SLC39A3: variants seen among roughly 807,000 people sequenced by gnomAD.
The protein encoded by SLC39A3 is solute carrier family 39 member 3, also known as zinc transporter ZIP3.
Under a neutral mutation model 5.1 loss-of-function variants are expected in SLC39A3, and 3 were observed. The observed-to-expected ratio is 0.59, with a 90% CI of 0.27 to 1.54. SLC39A3 has a LOEUF of 1.54. Among genes scored for constraint, SLC39A3 ranks in the 40% most tolerant of loss-of-function variants. The pLI, the probability that SLC39A3 is intolerant of heterozygous loss-of-function variation, is 0.12. For synonymous variants in SLC39A3, 250 were observed against 218.8 expected (o/e 1.14, Z -1.26); for missense variants, 412 against 436.4 (o/e 0.94, Z 0.50).
chr19:2,738,494 C>T (rs1176849384), intron 1 of SLC39A3, among the ~76,000 whole-genome samples: 1 of 152,152 alleles, frequency 6.6e-6, no homozygotes, highest in Non-Finnish European at 1.5e-5. Context: ...CAAGCTTGCT[C>T]GTGCCTCAGG....
In SLC39A3 at chr19:2,734,394, G is replaced by GCACACA. The variant is rs113441602; in HGVS notation, c.211-915_211-910dup. The GCACACA allele has an allele frequency of 4.6e-5, 7 of 150,658 alleles. No individual in the cohort carries two copies. The highest frequency in any genetic ancestry group is 6.6e-5 in the Admixed American group (1 of 15,124). 9.3% of individuals were successfully genotyped at this position (150,658 alleles called of 1,614,324 possible). ...AGACTTCATTACAACCTGCGCACGT[G>GCACACA]CACACACACACACACACACGCATAT... On this transcript the variant is annotated intron_variant, in intron 2 of 2. Transcript: ENST00000269740. This position sits in a 1 kb window ranked among gnomAD's most constrained non-coding sequence, Gnocchi z 4.6.
At chr19:2,736,107 G>T in intron 2 of SLC39A3, 2 of 985,502 alleles carry the variant, frequency 2.0e-6, no homozygotes, top group Non-Finnish European at 2.4e-6. Context: ...GCCTGACAGG[G>T]GACCCACACT....
rs1434005829 is a variant in SLC39A3 at position 2,734,639 on chromosome 19, C to G, written c.211-1154G>C. On this transcript the variant is annotated intron_variant, in intron 2 of 2. Transcript: ENST00000269740. The surrounding 1 kb of genome is among the most constrained non-coding windows in gnomAD (Gnocchi z 4.6). ...CTGGGCACTGCAGGGTGCTGCTGAG[C>G]AGTGTCTCTGGCCTCCACCCACTCC... 1.2e-5 allele frequency: 8 copies of G among 680,552 alleles called. No homozygotes were observed. The highest frequency in any genetic ancestry group is 1.5e-5 in the Non-Finnish European group (8 of 551,484). The allele number at this position is 680,552 out of a possible 1,614,324, so 42.2% of individuals were successfully genotyped here.
At position 2,733,062 on chromosome 19, in the gene SLC39A3, C is replaced by T; in HGVS notation, c.634G>A (p.Ala212Thr). 6.2e-7 allele frequency: 1 copy of T among 1,610,302 alleles called. No homozygotes were observed. The highest frequency in any genetic ancestry group is 8.5e-7 in the Non-Finnish European group (1 of 1,178,710). ...GCCATGCTGATGCCCAGGGCCACGG[C>T]CACCAGTGTCTCGTGGACGGCCACC... Reference protein sequence around the residue: ...VGVAVHETLVAVALGISMARS... With the variant: ...VGVAVHETLVTVALGISMARS... Residue 212 changes from alanine (A) to threonine (T), a missense_variant, in exon 3 of 3, where the codon GCC becomes ACC. Physicochemically the swap from Ala to Thr is moderately conservative, Grantham distance 58. Coordinates refer to ENST00000269740, the MANE Select transcript of SLC39A3 (RefSeq NM_144564.5). The surrounding 1 kb of genome is among the most constrained non-coding windows in gnomAD (Gnocchi z 6.1).
chr19:2,733,337 G>C lies in SLC39A3; in HGVS notation c.359C>G (p.Thr120Ser). The C allele has an allele frequency of 1.9e-6, 3 of 1,613,198 alleles. No homozygotes were observed. Among genetic ancestry groups the C allele is most frequent in the Non-Finnish European group, 2.5e-6 (3 of 1,180,026 alleles). The change falls in exon 3 of 3, where the codon ACC (threonine) becomes AGC (serine). Residue 120 changes from threonine to serine, a missense_variant. Physicochemically the swap from Thr to Ser is moderately conservative, Grantham distance 58. Coordinates refer to ENST00000269740, the MANE Select transcript of SLC39A3 (RefSeq NM_144564.5). The surrounding 1 kb of genome is among the most constrained non-coding windows in gnomAD (Gnocchi z 6.1). ...GCCCACGTCCGATCCGGCGTTGAAG[G>C]TCTCCAGGTCGATGAAGGACGGCTT... ...KEKPSFIDLE[T>S]FNAGSDVGSD...
chr19:2,734,958 CCTG>C lies in SLC39A3; in HGVS notation c.211-1476_211-1474del. ...ACCATTTTCCAGGGGTGACTGAGAG[CCTG>C]GCCCTGCAGTGGGTGAGGCTGGGGG... is the stretch of plus-strand genomic sequence containing the variant. On this transcript the variant is annotated intron_variant, in intron 2 of 2. Transcript: ENST00000269740. The surrounding 1 kb of genome is among the most constrained non-coding windows in gnomAD (Gnocchi z 4.6). 1.0e-6 allele frequency: 1 copy of C among 985,486 alleles called. No homozygotes were observed. Among genetic ancestry groups the C allele is most frequent in the Non-Finnish European group, 1.2e-6 (1 of 829,986 alleles). 61.0% of individuals were successfully genotyped at this position (985,486 alleles called of 1,614,324 possible).
Position 2,737,298 on chromosome 19 carries a change from C to G in SLC39A3, c.-41G>C. The stretch of plus-strand genomic sequence containing the variant: ...TGCTCTGGTCACTGCAGGGCCAAAC[C>G]ATCTGTGGGCGCACACCCAAGTCCC... On this transcript the variant is annotated 5_prime_UTR_variant, in exon 2 of 3. It removes an upstream start codon present in the reference 5' UTR. Coordinates refer to ENST00000269740, the MANE Select transcript of SLC39A3 (RefSeq NM_144564.5). 2.6e-6 allele frequency: 4 copies of G among 1,553,478 alleles called. No individual in the cohort carries two copies. The highest frequency in any genetic ancestry group is 3.5e-6 in the Non-Finnish European group (4 of 1,146,462).
At position 2,733,006 on chromosome 19, in the gene SLC39A3, G is replaced by A. The variant is rs377564224; in HGVS notation, c.690C>T (p.Ala230=). The change falls in exon 3 of 3, where the codon GCC becomes GCT. Residue 230 remains alanine (A), a synonymous_variant. Coordinates refer to ENST00000269740, the MANE Select transcript of SLC39A3 (RefSeq NM_144564.5). The surrounding 1 kb of genome is among the most constrained non-coding windows in gnomAD (Gnocchi z 6.1). ...ARSAMPLRDA[A]KLAVTVSAMI... ...TGGCGCTTACGGTGACCGCCAGCTT[G>A]GCCGCGTCCCGCAGGGGCATGGCAC... 22 of 1,598,508 alleles carry A rather than the reference G, an allele frequency of 1.4e-5. 1 individual carries two copies. The highest frequency in any genetic ancestry group is 1.9e-5 in the Non-Finnish European group (22 of 1,171,426).
intron 1 of SLC39A3, among the ~76,000 whole-genome samples, chr19:2,739,252 C>T (rs1369481922): frequency 6.6e-6 from 1 of 152,114 alleles, no homozygotes; most frequent in African/African-American, 2.4e-5. Context: ...AAGCGTGTGG[C>T]CACTGATAAG....
chr19:2,738,971 G>A (rs1258533840), intron 1 of SLC39A3, among the ~76,000 whole-genome samples: 2 of 150,920 alleles, frequency 1.3e-5, no homozygotes, highest in African/African-American at 2.4e-5. Flanking sequence ...ATGGTGGTAC[G>A]TGCCTGTAAT....
chr19:2,737,422 CTT>C (rs567070163), intron 1 of SLC39A3, 43 bp from the exon 2 acceptor site: 3,510 of 1,041,442 alleles, frequency 3.4e-3, no homozygotes, highest in Non-Finnish European at 3.6e-3. Flanking sequence ...TTTCTTTTTT[CTT>C]TTTTTTTTTT....
chr19:2,739,282 C>T (rs1914476554), intron 1 of SLC39A3: 1 of 152,056 alleles, frequency 6.6e-6, no homozygotes, highest in Non-Finnish European at 1.5e-5. Context: ...TTACCTGATG[C>T]AATGGGCCAA....
Position 2,733,406 on chromosome 19 carries a change from A to G in SLC39A3, c.290T>C (p.Met97Thr). 6.2e-7 allele frequency: 1 copy of G among 1,613,120 alleles called. No individual in the cohort carries two copies. Among genetic ancestry groups the G allele is most frequent in the Non-Finnish European group, 8.5e-7 (1 of 1,180,024 alleles). ...GATCAGCTGCTCCAGGAAGACGGTCATGAAGAAGCCCAGCAGGAGGATGGT... is the reference window on the plus strand; with the variant it reads ...GATCAGCTGCTCCAGGAAGACGGTCGTGAAGAAGCCCAGCAGGAGGATGGT... ...AETILLLGFF[M>T]TVFLEQLILT... The change falls in exon 3 of 3, where the codon ATG (methionine) becomes ACG (threonine). Residue 97 changes from methionine to threonine, a missense_variant. Physicochemically the swap from Met to Thr is moderately conservative, Grantham distance 81 (BLOSUM62 -1). Transcript: ENST00000269740. This position sits in a 1 kb window ranked among gnomAD's most constrained non-coding sequence, Gnocchi z 6.1.
intron 1 of SLC39A3, among the ~76,000 whole-genome samples, chr19:2,738,114 G>A (rs1459362937): frequency 6.1e-5 from 9 of 146,840 alleles, no homozygotes; most frequent in Non-Finnish European, 1.0e-4. Flanking sequence ...CAAGAGAATC[G>A]CTTGAACCCA....
Position 2,733,508 on chromosome 19 carries a change from G to T in SLC39A3, c.211-23C>A. On this transcript the variant is annotated intron_variant, in intron 2 of 2. Coordinates refer to ENST00000269740, the MANE Select transcript of SLC39A3 (RefSeq NM_144564.5). This position sits in a 1 kb window ranked among gnomAD's most constrained non-coding sequence, Gnocchi z 6.1. Reference sequence around the variant, plus strand: ...GAGCTGCAGCCGGGGACACCCGAGAGAGAGAGAGAGACCCACGCTCAGGGG... The same window carrying T: ...GAGCTGCAGCCGGGGACACCCGAGATAGAGAGAGAGACCCACGCTCAGGGG... The T allele has an allele frequency of 6.3e-7, 1 of 1,590,094 alleles. No individual in the cohort carries two copies. The highest frequency in any genetic ancestry group is 1.1e-5 in the South Asian group (1 of 89,098).
At position 2,737,413 on chromosome 19, in the gene SLC39A3, T is replaced by C. The variant is rs1288848761; in HGVS notation, c.-122-34A>G. On this transcript the variant is annotated intron_variant, in intron 1 of 2. Transcript: ENST00000269740. ...ATCAGGGGCACTGCATTAGCTTTCT[T>C]TCTTTTTTCTTTTTTTTTTTTTAGA... is the stretch of plus-strand genomic sequence containing the variant. 4.4e-6 allele frequency: 6 copies of C among 1,361,162 alleles called. No homozygotes were observed. In the Admixed American group the frequency reaches 1.5e-4, roughly 33 times the overall value. 84.3% of individuals were successfully genotyped at this position (1,361,162 alleles called of 1,614,324 possible).
chr19:2,734,716 C>T lies in SLC39A3; in HGVS notation c.211-1231G>A. The T allele has an allele frequency of 1.0e-6, 1 of 984,542 alleles. No individual in the cohort carries two copies. The highest frequency in any genetic ancestry group is 1.1e-4 in the East Asian group (1 of 8,794). The allele number at this position is 984,542 out of a possible 1,614,324, so 61.0% of individuals were successfully genotyped here. ...AACCACAATGTCCCCAGGCATCGCCCAGTGTTCCCTGGGGGCAGTTCACGC... is the reference window on the plus strand; with the variant it reads ...AACCACAATGTCCCCAGGCATCGCCTAGTGTTCCCTGGGGGCAGTTCACGC... On this transcript the variant is annotated intron_variant, in intron 2 of 2. Coordinates refer to ENST00000269740, the MANE Select transcript of SLC39A3 (RefSeq NM_144564.5). This position sits in a 1 kb window ranked among gnomAD's most constrained non-coding sequence, Gnocchi z 4.6.
At chr19:2,737,785 G>T (rs1029914039) in intron 1 of SLC39A3, 3 of 158,466 alleles carry the variant, frequency 1.9e-5, no homozygotes, top group African/African-American at 7.2e-5. Context: ...CCCTGTAATC[G>T]TGTGCAATTA....
Position 2,733,890 on chromosome 19 carries a change from GA to G in SLC39A3, c.211-406del, listed in dbSNP as rs1331547607. On this transcript the variant is annotated intron_variant, in intron 2 of 2. Coordinates refer to ENST00000269740, the MANE Select transcript of SLC39A3 (RefSeq NM_144564.5). The surrounding 1 kb of genome is among the most constrained non-coding windows in gnomAD (Gnocchi z 6.1). ...CAGGAGGCAGAGGTTGCAGTGAGAC[GA>G]GATCGTGCCACTGCACTCCAGCCTG... Among the ~76,000 whole-genome samples, 7 of 152,194 alleles carry G rather than the reference GA, an allele frequency of 4.6e-5. No homozygotes were observed. Among genetic ancestry groups the G allele is most frequent in the Non-Finnish European group, 7.4e-5 (5 of 68,026 alleles).
Sources: allele counts gnomAD v4.1 joint callset (sites outside exome capture counted in the v4.1 genomes callset), GRCh38; gene constraint gnomAD v4.1.1; non-coding constraint Gnocchi (gnomAD v3.1); transcripts MANE v1.5; gene names NCBI Gene and HGNC (gene_info 2026-07-23, HGNC 2026-07-21).